PRKCQ: variants seen among roughly 807,000 people sequenced by gnomAD.
The protein encoded by PRKCQ is protein kinase C theta, also known as protein kinase C theta type.
Under a neutral mutation model 91.2 loss-of-function variants are expected in PRKCQ, and 41 were observed. That is an observed-to-expected ratio of 0.45 (90% confidence interval 0.35 to 0.58). The LOEUF (loss-of-function observed/expected upper bound fraction) is 0.58, where lower values mean the gene tolerates loss of function less well. Among genes scored for constraint, PRKCQ ranks in the 20% least tolerant of loss-of-function variants. PRKCQ has a pLI of 0.00. For missense variants in PRKCQ, 673 were observed against 896.5 expected (o/e 0.75, Z 3.18); for synonymous variants, 307 against 316.9 (o/e 0.97, Z 0.33).
intron 15 of PRKCQ, among the ~76,000 whole-genome samples, chr10:6,444,445 C>T (rs1005224396): frequency 3.9e-5 from 6 of 151,910 alleles, no homozygotes; most frequent in African/African-American, 1.5e-4. Context: ...AAAAACAAAA[C>T]CCTAGGACAT....
At chr10:6,510,087 AAAGT>A (rs927457402) in intron 3 of PRKCQ, among the ~76,000 whole-genome samples, 1 of 152,236 alleles carries the variant, frequency 6.6e-6, no homozygotes, top group African/African-American at 2.4e-5. Flanking sequence ...TGAGTTATAG[AAAGT>A]AAGAAGCAGA....
At chr10:6,504,331 T>C (rs987197731) in intron 4 of PRKCQ, among the ~76,000 whole-genome samples, 4 of 152,216 alleles carry the variant, frequency 2.6e-5, no homozygotes, top group Non-Finnish European at 5.9e-5. Flanking sequence ...GTTCAAAGCA[T>C]GACCCAAGAC....
chr10:6,542,877 C>T (rs1839822985), intron 1 of PRKCQ, among the ~76,000 whole-genome samples: 1 of 152,196 alleles, frequency 6.6e-6, no homozygotes, highest in Admixed American at 6.5e-5. Context: ...AAGTCAAGGT[C>T]ACATTCTTTT....
chr10:6,458,766 T>A (rs1037002668), intron 14 of PRKCQ, among the ~76,000 whole-genome samples: 1 of 152,182 alleles, frequency 6.6e-6, no homozygotes, highest in African/African-American at 2.4e-5. Flanking sequence ...CGTGAAAGCA[T>A]TGAAAGTGGC....
chr10:6,423,431 G>A (rs904219750), downstream of PRKCQ, among the ~76,000 whole-genome samples: 6 of 152,168 alleles, frequency 3.9e-5, no homozygotes, highest in Admixed American at 2.0e-4. Context: ...CTGAGCAGAC[G>A]GCATTGAGGG....
intron 12 of PRKCQ, among the ~76,000 whole-genome samples, chr10:6,469,890 C>A (rs761121929): frequency 6.6e-6 from 1 of 151,840 alleles, no homozygotes; most frequent in Non-Finnish European, 1.5e-5. Flanking sequence ...AAAGAAGAAC[C>A]CTTAAATGCA....
chr10:6,419,295 T>A, the PRKCQ span, among the ~76,000 whole-genome samples: 1 of 152,208 alleles, frequency 6.6e-6, no homozygotes, highest in Non-Finnish European at 1.5e-5. Context: ...TGTTTGTGTA[T>A]TCAAAGTAAT....
At chr10:6,396,944 C>T in the PRKCQ span, among the ~76,000 whole-genome samples, 2 of 152,176 alleles carry the variant, frequency 1.3e-5, no homozygotes, top group Admixed American at 6.5e-5. Flanking sequence ...TCAACACATG[C>T]GATTGCCCAT....
rs373438490 is a variant in PRKCQ at position 6,461,749 on chromosome 10, A to G, written c.1508+554T>C. ...TTTTTCCTTTCTATTTTTCCTCCTAATCTGCAGTGAGTTGGAAATCTGACA... is the reference window on the plus strand; with the variant it reads ...TTTTTCCTTTCTATTTTTCCTCCTAGTCTGCAGTGAGTTGGAAATCTGACA... On this transcript the variant is annotated intron_variant, in intron 14 of 17. Coordinates refer to ENST00000263125, the MANE Select transcript of PRKCQ (RefSeq NM_006257.5). Among the ~76,000 whole-genome samples, 20 of 152,210 alleles carry G rather than the reference A, an allele frequency of 1.3e-4. No individual in the cohort carries two copies. In the South Asian group the frequency reaches 4.1e-3, roughly 32 times the overall value.
At chr10:6,550,368 G>C (rs1354629451) in intron 1 of PRKCQ, among the ~76,000 whole-genome samples, 3 of 152,132 alleles carry the variant, frequency 2.0e-5, no homozygotes, top group Non-Finnish European at 4.4e-5. Context: ...CCACCTCCCA[G>C]ATTCAAACTA....
chr10:6,474,742 G>A (rs919378783), intron 12 of PRKCQ, among the ~76,000 whole-genome samples: 1 of 152,170 alleles, frequency 6.6e-6, no homozygotes, highest in African/African-American at 2.4e-5. Context: ...CTACTTGTAA[G>A]TGGATAGTTA....
chr10:6,482,001 T>C (rs887819318), intron 11 of PRKCQ, among the ~76,000 whole-genome samples: 5 of 151,814 alleles, frequency 3.3e-5, no homozygotes, highest in African/African-American at 7.3e-5. Flanking sequence ...CTCCCCTTTT[T>C]TTTTTTTTTG....
At chr10:6,455,811 C>T (rs1374188749) in intron 15 of PRKCQ, among the ~76,000 whole-genome samples, 1 of 152,144 alleles carries the variant, frequency 6.6e-6, no homozygotes, top group African/African-American at 2.4e-5. Flanking sequence ...ATGAAGGGCA[C>T]AGTTGGGAGA....
intron 1 of PRKCQ, among the ~76,000 whole-genome samples, chr10:6,523,823 T>A (rs1487701011): frequency 6.6e-6 from 1 of 152,228 alleles, no homozygotes; most frequent in Non-Finnish European, 1.5e-5. Flanking sequence ...TTTGTTGAGT[T>A]AAAGCCTAAT....
rs1174897511 is a variant in PRKCQ, at chr10:6,547,420, G to A, written c.-9-32276C>T. ...ATGGAACCAAAAAAGAGCCCGCATC[G>A]CCAAGTCAATCCTAAGCCAAAAGAA... is the stretch of plus-strand genomic sequence containing the variant. On this transcript the variant is annotated intron_variant, in intron 1 of 17. Coordinates refer to ENST00000263125, the MANE Select transcript of PRKCQ (RefSeq NM_006257.5). Among the ~76,000 whole-genome samples the A allele has an allele frequency of 9.2e-5, 14 of 151,708 alleles. No homozygotes were observed. The East Asian group carries it at 1.2e-3, about 13-fold the overall frequency.
At chr10:6,395,836 C>T in the PRKCQ span, among the ~76,000 whole-genome samples, 4 of 152,104 alleles carry the variant, frequency 2.6e-5, no homozygotes, top group African/African-American at 9.7e-5. Flanking sequence ...TGCCGAGGTC[C>T]TGACCGTCAG....
chr10:6,560,248 C>T (rs1840577774), intron 1 of PRKCQ, among the ~76,000 whole-genome samples: 1 of 152,168 alleles, frequency 6.6e-6, no homozygotes, highest in African/African-American at 2.4e-5. Context: ...CCCTAAGATC[C>T]TAGCTGACAG....
At chr10:6,427,075 A>AT (rs1833146536), downstream of PRKCQ, 1 of 152,150 alleles carries the variant, frequency 6.6e-6, no homozygotes, top group African/African-American at 2.4e-5. Flanking sequence ...TGCTAGCTAC[A>AT]TTTTGAGGAC....
intron 3 of PRKCQ, among the ~76,000 whole-genome samples, chr10:6,509,040 A>C (rs1317659037): frequency 2.0e-5 from 3 of 152,234 alleles, no homozygotes; most frequent in Non-Finnish European, 4.4e-5. Context: ...TTGGCTCTTA[A>C]AATAAAAGTA....
Sources: gnomAD v4.1 joint callset for allele counts (sites outside exome capture counted in the v4.1 genomes callset) on GRCh38, gnomAD v4.1.1 for gene constraint, MANE v1.5 for transcripts, NCBI Gene and HGNC (gene_info 2026-07-23, HGNC 2026-07-21) for gene names.